SIK3: variants seen among roughly 807,000 people sequenced by gnomAD.
SIK3 encodes the protein SIK family kinase 3.
In SIK3, 28 loss-of-function variants were observed where a neutral mutation model predicts 144.2. The observed-to-expected ratio is 0.19, with a 90% confidence interval of 0.14 to 0.27. SIK3 has a LOEUF of 0.27. Among genes scored for constraint, SIK3 ranks in the 10% least tolerant of loss-of-function variants. The pLI, the probability that SIK3 is intolerant of heterozygous loss-of-function variation, is 1.00. For missense variants in SIK3, 1,319 were observed against 1,776.0 expected (o/e 0.74, Z 4.62); for synonymous variants, 686 against 676.3 (o/e 1.01, Z -0.22).
At position 116,896,200 on chromosome 11, in the gene SIK3, T is replaced by C. The variant is rs200603233; in HGVS notation, c.865+53A>G. On this transcript the variant is annotated intron_variant, in intron 6 of 24. Coordinates refer to ENST00000445177, the MANE Select transcript of SIK3 (RefSeq NM_001366686.3). ...TCACTAAATTCCTGGGATAACTGAGTGGGTCTAACTTTCATGAACCCATTC... is the reference window on the plus strand; with the variant it reads ...TCACTAAATTCCTGGGATAACTGAGCGGGTCTAACTTTCATGAACCCATTC... 2.5e-6 allele frequency: 4 copies of C among 1,597,148 alleles called. No individual in the cohort carries two copies. The South Asian group carries it at 3.3e-5, about 13-fold the overall frequency.
chr11:117,024,333 A>C (rs1301173847), intron 1 of SIK3, among the ~76,000 whole-genome samples: 3 of 149,306 alleles, frequency 2.0e-5, no homozygotes, highest in Non-Finnish European at 4.4e-5. Flanking sequence ...AAAAAAAAAA[A>C]AGCATTACCA....
intron 1 of SIK3, among the ~76,000 whole-genome samples, 154 bp downstream of exon 1, chr11:117,097,989 G>A (rs896451224): frequency 9.9e-5 from 15 of 151,410 alleles, no homozygotes; most frequent in African/African-American, 1.5e-4. Context: ...CCCTAGCTCC[G>A]CGCCCGCCCC....
chr11:116,934,656 C>A (rs1947805796), intron 3 of SIK3, among the ~76,000 whole-genome samples: 1 of 152,172 alleles, frequency 6.6e-6, no homozygotes, highest in African/African-American at 2.4e-5. Context: ...TAAAATAGTA[C>A]TCTGCCTATG....
At chr11:117,020,943 T>C (rs557119933) in intron 1 of SIK3, among the ~76,000 whole-genome samples, 2 of 152,332 alleles carry the variant, frequency 1.3e-5, no homozygotes, top group African/African-American at 4.8e-5. Context: ...ACCTGGAGCC[T>C]GTGACTGGCA....
At chr11:116,998,462 C>G (rs559236027) in intron 1 of SIK3, among the ~76,000 whole-genome samples, 1 of 100,180 alleles carries the variant, frequency 1.0e-5, no homozygotes, top group Non-Finnish European at 2.0e-5. Context: ...AAGAACAAGA[C>G]TCCGTCTTAA....
intron 1 of SIK3, among the ~76,000 whole-genome samples, chr11:116,971,286 T>C (rs1182691342): frequency 6.6e-6 from 1 of 152,174 alleles, no homozygotes; most frequent in Admixed American, 6.5e-5. Context: ...AATTAAACTG[T>C]AAATTACAAC....
intron 1 of SIK3, among the ~76,000 whole-genome samples, chr11:117,025,271 C>G (rs1951961766): frequency 6.6e-6 from 1 of 152,060 alleles, no homozygotes; most frequent in African/African-American, 2.4e-5. Flanking sequence ...CCCCTTATTT[C>G]ATAACTGATA....
rs1307553770 is a variant in SIK3, at chr11:116,846,935, T to G, written c.3953-382A>C. ...TGGGCACTGTCTGTCTTCCAGACAC[T>G]GTGCTAAGCACTTGATACTCACTAA... On this transcript the variant is annotated intron_variant, in intron 23 of 24. Transcript: ENST00000445177. The surrounding 1 kb of genome is among the most constrained non-coding windows in gnomAD (Gnocchi z 4.1). Among the ~76,000 whole-genome samples, 1 of 152,218 alleles carries G rather than the reference T, an allele frequency of 6.6e-6. No homozygotes were observed. Among genetic ancestry groups the G allele is most frequent in the Non-Finnish European group, 1.5e-5 (1 of 68,030 alleles).
At chr11:117,002,862 T>C (rs1950903524) in intron 1 of SIK3, among the ~76,000 whole-genome samples, 1 of 152,240 alleles carries the variant, frequency 6.6e-6, no homozygotes, top group Non-Finnish European at 1.5e-5. Context: ...CCAAAAAGTC[T>C]GTATCCCTAA....
chr11:117,078,868 T>C (rs938036693), intron 1 of SIK3, among the ~76,000 whole-genome samples: 1 of 152,200 alleles, frequency 6.6e-6, no homozygotes, highest in Non-Finnish European at 1.5e-5. Flanking sequence ...CCTACCCCTC[T>C]GTGTATTTTG....
chr11:117,031,546 A>C (rs1157276235), intron 1 of SIK3, among the ~76,000 whole-genome samples: 1 of 150,426 alleles, frequency 6.6e-6, no homozygotes, highest in East Asian at 1.9e-4. Context: ...TTTGAGACAG[A>C]GTTTTGCTCT....
rs1555093320 is a variant in SIK3 at position 116,915,124 on chromosome 11, A to ATATGTG, written c.616+12094_616+12095insCACATA. 7.1e-4 allele frequency among the ~76,000 whole-genome samples: 92 copies of ATATGTG among 129,988 alleles called. 2 individuals are homozygous for ATATGTG. Among genetic ancestry groups the ATATGTG allele is most frequent in the African/African-American group, 2.4e-3 (87 of 35,562 alleles). The allele number at this position is 129,988 out of a possible 152,430, so 85.3% of individuals were successfully genotyped here. ...TATCATGTTTAGTAGGAAGCCATAT[A>ATATGTG]TGTGTGTGTGTGTGTGTGTGTGTGT... On this transcript the variant is annotated intron_variant, in intron 4 of 24. Coordinates refer to ENST00000445177, the MANE Select transcript of SIK3 (RefSeq NM_001366686.3).
At chr11:117,058,088 G>A (rs538981052) in intron 1 of SIK3, among the ~76,000 whole-genome samples, 1 of 152,300 alleles carries the variant, frequency 6.6e-6, no homozygotes, top group South Asian at 2.1e-4. Context: ...AAGGTGTCCA[G>A]CAGAGAAAAG....
At chr11:117,046,424 G>C (rs1353901649) in intron 1 of SIK3, among the ~76,000 whole-genome samples, 2 of 152,088 alleles carry the variant, frequency 1.3e-5, no homozygotes, top group South Asian at 2.1e-4. Flanking sequence ...TTTAATGGGG[G>C]GAAAAAGGTG....
intron 1 of SIK3, among the ~76,000 whole-genome samples, chr11:117,043,279 T>A (rs959508066): frequency 3.3e-5 from 5 of 152,160 alleles, no homozygotes; most frequent in Non-Finnish European, 7.4e-5. Flanking sequence ...CAGAGTAGTT[T>A]CTACACTGCA....
intron 1 of SIK3, among the ~76,000 whole-genome samples, chr11:116,965,849 C>T (rs967057173): frequency 2.8e-5 from 4 of 141,192 alleles, no homozygotes; most frequent in Admixed American, 7.3e-5. Context: ...GCAGGAGAAT[C>T]GCCTGAACCT....
intron 1 of SIK3, among the ~76,000 whole-genome samples, chr11:116,973,435 G>A (rs561747328): frequency 6.6e-6 from 1 of 152,208 alleles, no homozygotes; most frequent in African/African-American, 2.4e-5. Flanking sequence ...AGCCTTACTT[G>A]TAGAGATTCC....
rs115720044 is a variant in SIK3, at chr11:116,995,860, A to T, written c.274-38796T>A. On this transcript the variant is annotated intron_variant, in intron 1 of 24. Transcript: ENST00000445177. ...CTTGCTTATTTTCAACATCTAAAAT[A>T]AGGAACAAGTCAGGTGTGGTAGAAC... 7.0e-3 allele frequency among the ~76,000 whole-genome samples: 1,067 copies of T among 152,278 alleles called. 12 individuals are homozygous for T. The highest frequency in any genetic ancestry group is 0.024 in the African/African-American group (992 of 41,556).
chr11:116,951,598 G>A (rs1948938145), intron 3 of SIK3, among the ~76,000 whole-genome samples: 1 of 152,020 alleles, frequency 6.6e-6, no homozygotes, highest in African/African-American at 2.4e-5. Flanking sequence ...CATCCCTTGA[G>A]GTACATTCAC....
Sources: allele counts gnomAD v4.1 joint callset (sites outside exome capture counted in the v4.1 genomes callset), GRCh38; gene constraint gnomAD v4.1.1; non-coding constraint Gnocchi (gnomAD v3.1); transcripts MANE v1.5; gene names NCBI Gene and HGNC (gene_info 2026-07-23, HGNC 2026-07-21).